The following TEDDM1 variants were observed in gnomAD, a reference collection of about 807,000 sequenced individuals.
TEDDM1 encodes transmembrane epididymal protein 1, also known as epididymal protein 9.
For synonymous variants in TEDDM1, 126 were observed against 128.0 expected, an observed-to-expected ratio of 0.98 and a Z score of 0.11; for missense variants, 344 against 318.9, an observed-to-expected ratio of 1.08 and a Z score of -0.60.
rs1441699745 is a variant in TEDDM1 at position 182,400,094 on chromosome 1, G to C, written c.392C>G (p.Ser131Cys). 1.9e-6 allele frequency: 3 copies of C among 1,613,856 alleles called. No homozygotes were observed. The highest frequency in any genetic ancestry group is 2.5e-6 in the Non-Finnish European group (3 of 1,179,908). ...DSEGVELHVY[S>C]LLILVVFLLL... is the part of the protein sequence containing the mutation. ...CAGGAACACCACCAAGATGAGCAGA[G>C]AATAAACGTGCAGCTCCACCCCTTC... Residue 131 changes from serine (S) to cysteine (C), a missense_variant, in exon 1 of 1, where the codon TCT becomes TGT. Coordinates refer to ENST00000367565, the MANE Select transcript of TEDDM1 (RefSeq NM_172000.4).
rs1650612461 is a variant in TEDDM1, at chr1:182,398,140, T to C, written c.*1524A>G. On this transcript the variant is annotated 3_prime_UTR_variant, in exon 1 of 1. Transcript: ENST00000367565. ...ACTTCAGAAACAAGTTACTGGATTT[T>C]ATTATACCCCAAAACAAGGAAGAGA... is the stretch of plus-strand genomic sequence containing the variant. The C allele has an allele frequency of 6.6e-6, 1 of 152,204 alleles. No individual in the cohort carries two copies. The highest frequency in any genetic ancestry group is 1.5e-5 in the Non-Finnish European group (1 of 68,046). 9.4% of individuals were successfully genotyped at this position (152,204 alleles called of 1,614,324 possible).
chr1:182,398,673 A>C lies in TEDDM1; in HGVS notation c.*991T>G, dbSNP rs1650622231. On this transcript the variant is annotated 3_prime_UTR_variant, in exon 1 of 1. Transcript: ENST00000367565. ...TGATTTGCAAGGAAAAGAAATTTGCAAAGACCCAAGAATGGTATCTGCTAA... is the reference window on the plus strand; with the variant it reads ...TGATTTGCAAGGAAAAGAAATTTGCCAAGACCCAAGAATGGTATCTGCTAA... 1 of 152,222 alleles carries C rather than the reference A, an allele frequency of 6.6e-6. No homozygotes were observed. Among genetic ancestry groups the C allele is most frequent in the African/African-American group, 2.4e-5 (1 of 41,450 alleles). 9.4% of individuals were successfully genotyped at this position (152,222 alleles called of 1,614,324 possible). A position where few individuals can be genotyped will look rare whatever the true frequency, so the allele number is the denominator to read the frequency against.
Position 182,398,530 on chromosome 1 carries a change from C to T in TEDDM1, c.*1134G>A, listed in dbSNP as rs1439187875. ...CCCAAGAGTTCCAAAACAAGGGAAT[C>T]AGTAAGAGTTCTGGAGAAGGCCACC... On this transcript the variant is annotated 3_prime_UTR_variant, in exon 1 of 1. Coordinates refer to ENST00000367565, the MANE Select transcript of TEDDM1 (RefSeq NM_172000.4). 1 of 152,210 alleles carries T rather than the reference C, an allele frequency of 6.6e-6. No homozygotes were observed. The allele number at this position is 152,210 out of a possible 1,614,324, so 9.4% of individuals were successfully genotyped here.
chr1:182,399,579 A>C lies in TEDDM1; in HGVS notation c.*85T>G, dbSNP rs1650645577. On this transcript the variant is annotated 3_prime_UTR_variant, in exon 1 of 1. Transcript: ENST00000367565. Reference sequence around the variant, plus strand: ...GCTAGCCTTCAAGGCCATTACCTTTACCAAGGAGGGTACCATGCTCGTGGC... The same window carrying C: ...GCTAGCCTTCAAGGCCATTACCTTTCCCAAGGAGGGTACCATGCTCGTGGC... The C allele has an allele frequency of 2.6e-5, 26 of 984,012 alleles. No homozygotes were observed. Among genetic ancestry groups the C allele is most frequent in the Non-Finnish European group, 4.1e-5 (26 of 634,042 alleles). 61.0% of individuals were successfully genotyped at this position (984,012 alleles called of 1,614,324 possible). A position where few individuals can be genotyped will look rare whatever the true frequency, so the allele number is the denominator to read the frequency against.
chr1:182,400,527 A>G lies in TEDDM1; in HGVS notation c.-42T>C. On this transcript the variant is annotated 5_prime_UTR_variant, in exon 1 of 1. Coordinates refer to ENST00000367565, the MANE Select transcript of TEDDM1 (RefSeq NM_172000.4). Reference sequence around the variant, plus strand: ...GTGGCCTGATATAGTCCATAAGAGAAAAGAAATAGCCCCAGTTAAAAATGG... The same window carrying G: ...GTGGCCTGATATAGTCCATAAGAGAGAAGAAATAGCCCCAGTTAAAAATGG... 1 of 1,504,336 alleles carries G rather than the reference A, an allele frequency of 6.6e-7. No individual in the cohort carries two copies. The allele number at this position is 1,504,336 out of a possible 1,614,324, so 93.2% of individuals were successfully genotyped here.
In TEDDM1 at chr1:182,398,206, G is replaced by A. The variant is rs1426761897; in HGVS notation, c.*1458C>T. ...AGGCAGTGACTCAGTGTTCAGGACT[G>A]TTGTTGTCACCCAGAGAGATTCACA... On this transcript the variant is annotated 3_prime_UTR_variant, in exon 1 of 1. Coordinates refer to ENST00000367565, the MANE Select transcript of TEDDM1 (RefSeq NM_172000.4). 3 of 152,294 alleles carry A rather than the reference G, an allele frequency of 2.0e-5. No individual in the cohort carries two copies. Among genetic ancestry groups the A allele is most frequent in the African/African-American group, 4.8e-5 (2 of 41,548 alleles). 9.4% of individuals were successfully genotyped at this position (152,294 alleles called of 1,614,324 possible). A position where few individuals can be genotyped will look rare whatever the true frequency, so the allele number is the denominator to read the frequency against.
chr1:182,400,427 C>A lies in TEDDM1; in HGVS notation c.59G>T (p.Cys20Phe). 1.2e-6 allele frequency: 2 copies of A among 1,613,956 alleles called. No homozygotes were observed. Among genetic ancestry groups the A allele is most frequent in the Non-Finnish European group, 1.7e-6 (2 of 1,179,976 alleles). The change falls in exon 1 of 1, where the codon TGT becomes TTT. Residue 20 changes from cysteine (C) to phenylalanine (F), a missense_variant. Coordinates refer to ENST00000367565, the MANE Select transcript of TEDDM1 (RefSeq NM_172000.4). ...PLCSPRNKQR[C>F]ARLWKIAYGG... is the part of the protein sequence containing the mutation. ...ATAGGCTATTTTCCACAGCCTGGCA[C>A]ATCTTTGCTTATTCCTGGGAGAGCA... is the stretch of plus-strand genomic sequence containing the variant.
chr1:182,400,055 A>G lies in TEDDM1; in HGVS notation c.431T>C (p.Leu144Ser). Residue 144 changes from leucine to serine, a missense_variant, in exon 1 of 1, where the codon TTG (leucine) becomes TCG (serine). Coordinates refer to ENST00000367565, the MANE Select transcript of TEDDM1 (RefSeq NM_172000.4). ...GTTGGGAGCCCACAGCTCTGCAGTC[A>G]ACACCAGCAACAGCAGGAACACCAC... is the stretch of plus-strand genomic sequence containing the variant. ...ILVVFLLLLVLTAELWAPNMC... is the reference protein window; with the variant it reads ...ILVVFLLLLVSTAELWAPNMC... The G allele has an allele frequency of 6.2e-7, 1 of 1,614,194 alleles. No individual in the cohort carries two copies. The highest frequency in any genetic ancestry group is 1.3e-5 in the African/African-American group (1 of 75,044).
In TEDDM1 at chr1:182,399,673, G is replaced by A. The variant is rs764739665; in HGVS notation, c.813C>T (p.Ser271=). Residue 271 remains serine (S), a synonymous_variant, in exon 1 of 1, where the codon AGC becomes AGT. Coordinates refer to ENST00000367565, the MANE Select transcript of TEDDM1 (RefSeq NM_172000.4). ...CACTGTAGGCCCTGTCTCAGGGGGA[G>A]CTCTTTGGAAGGAGGAGAGCCTGGT... The part of the protein sequence containing the change: ...KEDQALLLPK[S]SP The A allele has an allele frequency of 1.2e-6, 2 of 1,613,326 alleles. No individual in the cohort carries two copies. Among genetic ancestry groups the A allele is most frequent in the Admixed American group, 3.3e-5 (2 of 59,958 alleles).
In TEDDM1 at chr1:182,398,615, A is replaced by G. The variant is rs979556864; in HGVS notation, c.*1049T>C. On this transcript the variant is annotated 3_prime_UTR_variant, in exon 1 of 1. Transcript: ENST00000367565. ...AGGTTTATTCTGGGAATCGAATAACATGGTAAATATGTGACTGTAGGATGA... is the reference window on the plus strand; with the variant it reads ...AGGTTTATTCTGGGAATCGAATAACGTGGTAAATATGTGACTGTAGGATGA... 6.6e-6 allele frequency: 1 copy of G among 152,214 alleles called. No individual in the cohort carries two copies. Among genetic ancestry groups the G allele is most frequent in the African/African-American group, 2.4e-5 (1 of 41,448 alleles). 9.4% of individuals were successfully genotyped at this position (152,214 alleles called of 1,614,324 possible).
chr1:182,400,304 G>A lies in TEDDM1; in HGVS notation c.182C>T (p.Ser61Leu), dbSNP rs150668746. 3.1e-6 allele frequency: 5 copies of A among 1,614,166 alleles called. No individual in the cohort carries two copies. Among genetic ancestry groups the A allele is most frequent in the Non-Finnish European group, 4.2e-6 (5 of 1,180,028 alleles). ...GMVLMRKQVPSRFMYPKEWQH... is the reference protein window; with the variant it reads ...GMVLMRKQVPLRFMYPKEWQH... ...CCACTCTTTGGGGTACATGAACCTT[G>A]ATGGCACTTGCTTCCTCATGAGCAC... The change falls in exon 1 of 1, where the codon TCA (serine) becomes TTA (leucine). Residue 61 changes from serine (S) to leucine (L), a missense_variant. Transcript: ENST00000367565.
rs1650615304 is a variant in TEDDM1 at position 182,398,316 on chromosome 1, A to G, written c.*1348T>C. 6.6e-6 allele frequency: 1 copy of G among 152,224 alleles called. No individual in the cohort carries two copies. The highest frequency in any genetic ancestry group is 1.5e-5 in the Non-Finnish European group (1 of 68,054). 9.4% of individuals were successfully genotyped at this position (152,224 alleles called of 1,614,324 possible). A position where few individuals can be genotyped will look rare whatever the true frequency, so the allele number is the denominator to read the frequency against. On this transcript the variant is annotated 3_prime_UTR_variant, in exon 1 of 1. Transcript: ENST00000367565. ...AGCAAAGAAGGCTTTATTAAACATAACCATGATCCATAGCTGGAGTATACA... is the reference window on the plus strand; with the variant it reads ...AGCAAAGAAGGCTTTATTAAACATAGCCATGATCCATAGCTGGAGTATACA...
Position 182,400,047 on chromosome 1 carries a change from C to T in TEDDM1, c.439G>A (p.Glu147Lys). 6.2e-7 allele frequency: 1 copy of T among 1,614,206 alleles called. No individual in the cohort carries two copies. Among genetic ancestry groups the T allele is most frequent in the South Asian group, 1.1e-5 (1 of 91,080 alleles). The change falls in exon 1 of 1, where the codon GAG (glutamate) becomes AAG (lysine). Residue 147 changes from glutamate (E) to lysine (K), a missense_variant. Physicochemically the swap from Glu to Lys is moderately conservative, Grantham distance 56. Coordinates refer to ENST00000367565, the MANE Select transcript of TEDDM1 (RefSeq NM_172000.4). ...VFLLLLVLTA[E>K]LWAPNMCHLQ... The stretch of plus-strand genomic sequence containing the variant: ...TGACACATGTTGGGAGCCCACAGCT[C>T]TGCAGTCAACACCAGCAACAGCAGG...
In TEDDM1 at chr1:182,399,090, C is replaced by A. The variant is rs1231626012; in HGVS notation, c.*574G>T. 1 of 153,642 alleles carries A rather than the reference C, an allele frequency of 6.5e-6. No homozygotes were observed. Among genetic ancestry groups the A allele is most frequent in the Non-Finnish European group, 1.4e-5 (1 of 69,186 alleles). The allele number at this position is 153,642 out of a possible 1,614,324, so 9.5% of individuals were successfully genotyped here. ...GGTCCAGTTTTGAGTTGTGAGAAGT[C>A]TTTATTCCCTCAGGTAAAAGGCAAT... On this transcript the variant is annotated 3_prime_UTR_variant, in exon 1 of 1. Transcript: ENST00000367565.
chr1:182,399,636 C>T lies in TEDDM1; in HGVS notation c.*28G>A, dbSNP rs199722147. 36 of 1,554,056 alleles carry T rather than the reference C, an allele frequency of 2.3e-5. No homozygotes were observed. The highest frequency in any genetic ancestry group is 4.5e-5 in the East Asian group (2 of 44,528). On this transcript the variant is annotated 3_prime_UTR_variant, in exon 1 of 1. Coordinates refer to ENST00000367565, the MANE Select transcript of TEDDM1 (RefSeq NM_172000.4). ...GCCAACAGGAGGAAGATGAGGTGGA[C>T]GATGTGCCAGCCACTGTAGGCCCTG...
In TEDDM1 at chr1:182,400,337, C is replaced by A; in HGVS notation, c.149G>T (p.Gly50Val). 1 of 1,614,140 alleles carries A rather than the reference C, an allele frequency of 6.2e-7. No homozygotes were observed. The highest frequency in any genetic ancestry group is 1.3e-5 in the African/African-American group (1 of 75,036). Residue 50 changes from glycine to valine, a missense_variant, in exon 1 of 1, where the codon GGC becomes GTC. Physicochemically the swap from Gly to Val is moderately radical, Grantham distance 109. Transcript: ENST00000367565. ...LTFYVVLCLD[G>V]GMVLMRKQVP... is the part of the protein sequence containing the mutation. ...TTGCTTCCTCATGAGCACCATCCCG[C>A]CATCAAGACAGAGAACCACATAAAA... is the stretch of plus-strand genomic sequence containing the variant.
In TEDDM1 at chr1:182,399,261, C is replaced by G. The variant is rs1159475662; in HGVS notation, c.*403G>C. ...GTGTTCTCCTCGTCCTTTTCCCTCC[C>G]TCCCGCAAATCCCATCAGCGTCTCT... On this transcript the variant is annotated 3_prime_UTR_variant, in exon 1 of 1. Transcript: ENST00000367565. The G allele has an allele frequency of 1.6e-5, 3 of 189,774 alleles. No individual in the cohort carries two copies. The highest frequency in any genetic ancestry group is 7.1e-5 in the African/African-American group (3 of 42,184). 11.8% of individuals were successfully genotyped at this position (189,774 alleles called of 1,614,324 possible). A position where few individuals can be genotyped will look rare whatever the true frequency, so the allele number is the denominator to read the frequency against.
rs6698722 is a variant in TEDDM1 at position 182,399,943 on chromosome 1, G to A, written c.543C>T (p.Pro181=). The A allele has an allele frequency of 0.8, 1,287,512 of 1,613,870 alleles. 515,003 individuals are homozygous for A. The highest frequency in any genetic ancestry group is 0.94 in the African/African-American group (70,156 of 74,960). ...CGTCCTGCCATGGGTAGCCAGAGACGGGTCTGTATAGAATAAAGCCTGCCT... is the reference window on the plus strand; with the variant it reads ...CGTCCTGCCATGGGTAGCCAGAGACAGGTCTGTATAGAATAAAGCCTGCCT... ...LMQAGFILYR[P]VSGYPWQDDD... The change falls in exon 1 of 1, where the codon CCC becomes CCT. Residue 181 remains proline, a synonymous_variant. Coordinates refer to ENST00000367565, the MANE Select transcript of TEDDM1 (RefSeq NM_172000.4).
Position 182,399,707 on chromosome 1 carries a change from T to G in TEDDM1, c.779A>C (p.Glu260Ala). The G allele has an allele frequency of 6.2e-7, 1 of 1,614,070 alleles. No homozygotes were observed. The highest frequency in any genetic ancestry group is 8.5e-7 in the Non-Finnish European group (1 of 1,179,996). ...YKLLQEVEQSEKEDQALLLPK... is the reference protein window; with the variant it reads ...YKLLQEVEQSAKEDQALLLPK... Reference sequence around the variant, plus strand: ...AAGGAGGAGAGCCTGGTCCTCTTTCTCTGACTGCTCCACTTCCTGTAGCAA... The same window carrying G: ...AAGGAGGAGAGCCTGGTCCTCTTTCGCTGACTGCTCCACTTCCTGTAGCAA... The change falls in exon 1 of 1, where the codon GAG becomes GCG. Residue 260 changes from glutamate (E) to alanine (A), a missense_variant. Transcript: ENST00000367565.
Sources: allele counts gnomAD v4.1 joint callset, GRCh38; gene constraint gnomAD v4.1.1; transcripts MANE v1.5; gene names NCBI Gene and HGNC (gene_info 2026-07-23, HGNC 2026-07-21).